The following CNTN6 variants were observed in gnomAD, a reference collection of about 807,000 sequenced individuals.
CNTN6 encodes the protein contactin-6.
In CNTN6, 137 loss-of-function variants were observed where a neutral mutation model predicts 122.8. The observed-to-expected ratio is 1.12, with a 90% CI of 0.97 to 1.29. The LOEUF is 1.29. CNTN6 is among the 50% of genes most tolerant of loss of function. The pLI is 0.00. For missense variants in CNTN6, 1,634 were observed against 1,223.4 expected (o/e 1.34, Z -5.01); for synonymous variants, 570 against 426.0 (o/e 1.34, Z -4.16).
At chr3:1,375,614 A>C (rs780811316) in intron 16 of CNTN6, among the ~76,000 whole-genome samples, 1 of 152,144 alleles carries the variant, frequency 6.6e-6, no homozygotes, top group Admixed American at 6.6e-5. Context: ...GATAGTGTGC[A>C]GTTAGTCACT....
intron 2 of CNTN6, among the ~76,000 whole-genome samples, chr3:1,212,258 T>G (rs989742533): frequency 1.3e-5 from 2 of 149,978 alleles, no homozygotes; most frequent in Non-Finnish European, 3.0e-5. Flanking sequence ...ACTTGTTTTT[T>G]TTTTTTTTTT....
Position 1,372,464 on chromosome 3 carries a change from G to C in CNTN6, c.1658G>C (p.Arg553Thr), listed in dbSNP as rs771762164. 1.9e-6 allele frequency: 3 copies of C among 1,604,524 alleles called. No individual in the cohort carries two copies. In the Admixed American group the frequency reaches 5.2e-5, roughly 28 times the overall value. The change falls in exon 13 of 23, where the codon AGG becomes ACG. Residue 553 changes from arginine (R) to threonine (T), a missense_variant. By Grantham distance (71) the Arg-to-Thr change is moderately conservative (BLOSUM62 -1). Transcript: ENST00000446702. The stretch of plus-strand genomic sequence containing the variant: ...AAAAAAGGAGTGGCTCATTTTGAAA[G>C]GATTGGAGGAGTAAGTTACTGAAAT... ...DLKKGVAHFE[R>T]IGGESVGDLM... is the part of the protein sequence containing the mutation.
At chr3:1,215,387 A>G (rs1280138713) in intron 2 of CNTN6, among the ~76,000 whole-genome samples, 4 of 152,120 alleles carry the variant, frequency 2.6e-5, no homozygotes, top group Admixed American at 6.6e-5. Flanking sequence ...TCATCTCAAA[A>G]CATTATAGCA....
intron 2 of CNTN6, among the ~76,000 whole-genome samples, chr3:1,182,385 A>G (rs996822640): frequency 1.3e-5 from 2 of 152,160 alleles, no homozygotes; most frequent in African/African-American, 4.8e-5. Context: ...AGGTGAGGAT[A>G]CTGTTCTCTG....
At chr3:1,263,755 C>T (rs900943406) in intron 4 of CNTN6, among the ~76,000 whole-genome samples, 1 of 151,836 alleles carries the variant, frequency 6.6e-6, no homozygotes, top group African/African-American at 2.4e-5. Context: ...TCCCTGTTTT[C>T]GTGAAGCTTA....
intron 2 of CNTN6, among the ~76,000 whole-genome samples, chr3:1,179,054 G>A (rs1378805553): frequency 6.6e-6 from 1 of 152,148 alleles, no homozygotes; most frequent in East Asian, 1.9e-4. Context: ...AGAGTCTCAG[G>A]ACACTTCCAC....
At chr3:1,267,715 A>G (rs941814294) in intron 4 of CNTN6, among the ~76,000 whole-genome samples, 3 of 152,220 alleles carry the variant, frequency 2.0e-5, no homozygotes, top group Admixed American at 6.5e-5. Flanking sequence ...AATAATATTT[A>G]TAAAAATTAA....
At chr3:1,273,515 G>A (rs10510169) in intron 4 of CNTN6, among the ~76,000 whole-genome samples, 13,364 of 152,202 alleles carry the variant, frequency 0.088, 728 homozygotes, top group Middle Eastern at 0.14. Flanking sequence ...TTTCCAGCTA[G>A]CAGAAGGGTA....
intron 2 of CNTN6, among the ~76,000 whole-genome samples, chr3:1,200,087 C>T (rs79735017): frequency 0.065 from 9,877 of 152,050 alleles, 399 homozygotes; most frequent in Middle Eastern, 0.1. Flanking sequence ...GATGAAGTCT[C>T]GCTCTGTTGC....
chr3:1,347,853 G>A (rs1453990994), intron 11 of CNTN6, among the ~76,000 whole-genome samples: 3 of 152,058 alleles, frequency 2.0e-5, no homozygotes, highest in Non-Finnish European at 2.9e-5. Flanking sequence ...GTTTTAAGCA[G>A]TGAAACTTAA....
chr3:1,251,414 C>T (rs1377573929), intron 4 of CNTN6, among the ~76,000 whole-genome samples: 1 of 152,112 alleles, frequency 6.6e-6, no homozygotes, highest in Non-Finnish European at 1.5e-5. Flanking sequence ...CCTGCTTCGT[C>T]TTGTCATTCC....
intron 2 of CNTN6, among the ~76,000 whole-genome samples, chr3:1,189,071 A>C (rs1426453653): frequency 2.0e-5 from 3 of 152,156 alleles, no homozygotes; most frequent in African/African-American, 7.2e-5. Context: ...ACAAAACAAA[A>C]AAAACAAGCT....
At chr3:1,277,346 C>CATTTTTT (rs1692560460) in intron 4 of CNTN6, among the ~76,000 whole-genome samples, 1 of 80,172 alleles carries the variant, frequency 1.2e-5, no homozygotes, top group East Asian at 3.7e-4. Context: ...AGTAGGTTTT[C>CATTTTTT]TTTTTTTTTT....
intron 12 of CNTN6, among the ~76,000 whole-genome samples, chr3:1,357,698 G>T (rs992422934): frequency 2.0e-5 from 3 of 151,844 alleles, no homozygotes; most frequent in African/African-American, 7.2e-5. Context: ...AGGAATAAAA[G>T]TATAGTAACA....
chr3:1,203,643 G>A (rs912025387), intron 2 of CNTN6, among the ~76,000 whole-genome samples: 17 of 152,188 alleles, frequency 1.1e-4, no homozygotes, highest in Non-Finnish European at 4.4e-5. Flanking sequence ...AACATGAAGC[G>A]TGGTTGATGG....
At chr3:1,385,901 G>A in intron 20 of CNTN6, 104 bp downstream of exon 20, 1 of 1,097,908 alleles carries the variant, frequency 9.1e-7, no homozygotes, top group Non-Finnish European at 1.3e-6. Context: ...TTTACTAATT[G>A]GTTACTTTGG....
intron 1 of CNTN6, among the ~76,000 whole-genome samples, chr3:1,142,778 T>A (rs1024421232): frequency 2.6e-5 from 4 of 151,980 alleles, no homozygotes; most frequent in African/African-American, 9.7e-5. Flanking sequence ...GAGCCAGATT[T>A]GGTCAGCAGG....
intron 7 of CNTN6, among the ~76,000 whole-genome samples, chr3:1,301,984 T>G (rs1415557260): frequency 6.6e-6 from 1 of 152,170 alleles, no homozygotes; most frequent in Non-Finnish European, 1.5e-5. Flanking sequence ...TAAATTAAGG[T>G]ATTTAGCAAA....
chr3:1,162,399 A>G, intron 2 of CNTN6, among the ~76,000 whole-genome samples: 1 of 145,860 alleles, frequency 6.9e-6, no homozygotes, highest in African/African-American at 2.6e-5. Context: ...CTCAGAAGGG[A>G]GGGGAAAAAA....
Sources: gnomAD v4.1 joint callset for allele counts (sites outside exome capture counted in the v4.1 genomes callset) on GRCh38, gnomAD v4.1.1 for gene constraint, MANE v1.5 for transcripts, NCBI Gene and HGNC (gene_info 2026-07-23, HGNC 2026-07-21) for gene names.